The following ADAMTSL3 variants were observed in gnomAD, a reference collection of about 807,000 sequenced individuals.
ADAMTSL3 encodes the protein ADAMTS-like protein 3.
ADAMTSL3 carries 128 observed loss-of-function variants against 201.7 expected under a neutral mutation model. The ratio of observed to expected loss-of-function variants is 0.63; its 90% CI spans 0.55 to 0.73. ADAMTSL3 has a LOEUF of 0.73. Ranked by LOEUF, ADAMTSL3 falls within the 30% of genes least tolerant of loss-of-function variation. The pLI, the probability that ADAMTSL3 is intolerant of heterozygous loss-of-function variation, is 0.00. For synonymous variants in ADAMTSL3, 738 were observed against 748.4 expected (o/e 0.99, Z 0.23); for missense variants, 1,990 against 2,119.6 (o/e 0.94, Z 1.20).
chr15:83,791,924 G>C (rs1235749940), intron 4 of ADAMTSL3, among the ~76,000 whole-genome samples: 1 of 151,666 alleles, frequency 6.6e-6, no homozygotes, highest in Non-Finnish European at 1.5e-5. Context: ...AAGAAATTTA[G>C]CATCCGGAAG....
At chr15:83,739,961 A>G (rs777485039) in intron 3 of ADAMTSL3, 17 of 517,160 alleles carry the variant, frequency 3.3e-5, no homozygotes, top group Non-Finnish European at 5.9e-5. Flanking sequence ...GGTACTGGCA[A>G]GCATGTGACC....
intron 3 of ADAMTSL3, among the ~76,000 whole-genome samples, chr15:83,733,170 G>A (rs1465934760): frequency 2.6e-5 from 4 of 152,088 alleles, no homozygotes; most frequent in Non-Finnish European, 4.4e-5. Flanking sequence ...AAACAAAAAT[G>A]AACTGAATCA....
intron 17 of ADAMTSL3, among the ~76,000 whole-genome samples, chr15:83,941,310 CTG>C (rs1176643510): frequency 2.0e-5 from 3 of 151,616 alleles, no homozygotes; most frequent in Admixed American, 6.6e-5. Context: ...AAGAGAAAAA[CTG>C]AGAATCATTT....
At chr15:84,012,747 T>A (rs542574384) in intron 23 of ADAMTSL3, among the ~76,000 whole-genome samples, 1 of 152,362 alleles carries the variant, frequency 6.6e-6, no homozygotes, top group African/African-American at 2.4e-5. Flanking sequence ...GTCTTTAGAA[T>A]TCTGCCTACC....
chr15:83,695,162 A>G (rs1047068291), intron 2 of ADAMTSL3, among the ~76,000 whole-genome samples: 12 of 81,144 alleles, frequency 1.5e-4, no homozygotes, highest in Non-Finnish European at 2.8e-4. Flanking sequence ...GTGTGTGTGT[A>G]TGTATGTAGC....
intron 17 of ADAMTSL3, among the ~76,000 whole-genome samples, chr15:83,932,878 G>A (rs913396302): frequency 2.6e-5 from 4 of 152,116 alleles, no homozygotes; most frequent in Non-Finnish European, 4.4e-5. Flanking sequence ...GATACACAGA[G>A]CATCGTAAAT....
At chr15:83,868,462 T>A (rs2065020314) in intron 8 of ADAMTSL3, among the ~76,000 whole-genome samples, 1 of 152,162 alleles carries the variant, frequency 6.6e-6, no homozygotes, top group African/African-American at 2.4e-5. Flanking sequence ...AAGAACTGCA[T>A]CGGCCTCCAC....
At chr15:83,937,333 A>G (rs2066479235) in intron 17 of ADAMTSL3, among the ~76,000 whole-genome samples, 1 of 151,094 alleles carries the variant, frequency 6.6e-6, no homozygotes, top group South Asian at 2.1e-4. Flanking sequence ...AGCCATAGAA[A>G]AAGAATGAGA....
chr15:83,661,092 A>G (rs2061156130), intron 2 of ADAMTSL3, among the ~76,000 whole-genome samples: 2 of 147,146 alleles, frequency 1.4e-5, no homozygotes, highest in African/African-American at 5.0e-5. Context: ...AGATAGTTGT[A>G]GATATGTGGC....
intron 14 of ADAMTSL3, among the ~76,000 whole-genome samples, chr15:83,898,316 C>G (rs1001558803): frequency 6.7e-6 from 1 of 148,834 alleles, no homozygotes; most frequent in Admixed American, 6.7e-5. Flanking sequence ...AGAAGAATGG[C>G]GGGGGAGAGA....
intron 17 of ADAMTSL3, among the ~76,000 whole-genome samples, chr15:83,924,922 T>A (rs2066220897): frequency 6.6e-6 from 1 of 152,180 alleles, no homozygotes; most frequent in South Asian, 2.1e-4. Flanking sequence ...ATCCTTTCAT[T>A]TGCTAAAGCA....
intron 17 of ADAMTSL3, among the ~76,000 whole-genome samples, chr15:83,930,215 C>G (rs1273634385): frequency 6.6e-6 from 1 of 152,090 alleles, no homozygotes; most frequent in African/African-American, 2.4e-5. Context: ...ACCGAGGTCC[C>G]CTAAGCTCCA....
chr15:83,826,479 A>G (rs530623912), intron 6 of ADAMTSL3, among the ~76,000 whole-genome samples: 1 of 150,186 alleles, frequency 6.7e-6, no homozygotes, highest in South Asian at 2.1e-4. Context: ...GCTTTATAGC[A>G]CAGGTACAAT....
chr15:83,768,926 A>G (rs1489414695), intron 3 of ADAMTSL3, among the ~76,000 whole-genome samples: 3 of 152,198 alleles, frequency 2.0e-5, no homozygotes, highest in Non-Finnish European at 2.9e-5. Flanking sequence ...GTTTCAAAAC[A>G]AAATCCAAGC....
At chr15:83,912,941 C>CTGAT in intron 15 of ADAMTSL3, 151 bp from the exon 16 acceptor site, 1 of 737,248 alleles carries the variant, frequency 1.4e-6, no homozygotes, top group Non-Finnish European at 2.2e-6. Flanking sequence ...CATTACTGAC[C>CTGAT]ATCAACAAAA....
At chr15:83,807,782 A>T (rs59484405) in intron 5 of ADAMTSL3, among the ~76,000 whole-genome samples, 38,990 of 152,154 alleles carry the variant, frequency 0.26, 5,331 homozygotes, top group East Asian at 0.59. Flanking sequence ...GACATTGGTG[A>T]AAAAATACAC....
At chr15:83,859,843 C>A (rs1010446437) in intron 8 of ADAMTSL3, among the ~76,000 whole-genome samples, 1 of 152,128 alleles carries the variant, frequency 6.6e-6, no homozygotes. Flanking sequence ...AGAATAAAAA[C>A]CAAATTTTAT....
At chr15:83,880,197 A>G (rs1212131413) in intron 9 of ADAMTSL3, among the ~76,000 whole-genome samples, 2 of 152,118 alleles carry the variant, frequency 1.3e-5, no homozygotes, top group East Asian at 3.9e-4. Context: ...ATTCTCATTT[A>G]TTATCTCTTC....
chr15:83,731,001 G>T (rs992190115), intron 3 of ADAMTSL3, among the ~76,000 whole-genome samples: 6 of 151,982 alleles, frequency 3.9e-5, no homozygotes, highest in Admixed American at 3.9e-4. Context: ...TGGCTTTTCA[G>T]TTTTCCAAAC....
Sources: gnomAD v4.1 joint callset for allele counts (sites outside exome capture counted in the v4.1 genomes callset) on GRCh38, gnomAD v4.1.1 for gene constraint, MANE v1.5 for transcripts, NCBI Gene and HGNC (gene_info 2026-07-23, HGNC 2026-07-21) for gene names.